DMXL1: variants seen among roughly 807,000 people sequenced by gnomAD.
DMXL1 encodes the protein Dmx like 1.
Under a neutral mutation model 319.2 loss-of-function variants are expected in DMXL1, and 99 were observed. That is an observed-to-expected ratio of 0.31 (90% CI 0.26 to 0.37). DMXL1 has a LOEUF of 0.37. Among genes scored for constraint, DMXL1 ranks in the 10% least tolerant of loss-of-function variants. DMXL1 has a pLI of 1.00. For missense variants in DMXL1, 3,745 were observed against 3,595.6 expected (o/e 1.04, Z -1.06); for synonymous variants, 1,385 against 1,235.2 (o/e 1.12, Z -2.54).
In DMXL1 at chr5:119,113,225, G is replaced by A. The variant is rs550783558; in HGVS notation, c.498-1250G>A. Among the ~76,000 whole-genome samples the A allele has an allele frequency of 7.9e-5, 12 of 152,256 alleles. No homozygotes were observed. In the South Asian group the frequency reaches 2.5e-3, roughly 32 times the overall value. Reference sequence around the variant, plus strand: ...CACATCTTTTGCATCTATATGCAAAGATGTTCATGACATATTTTTGTTGTT... The same window carrying A: ...CACATCTTTTGCATCTATATGCAAAAATGTTCATGACATATTTTTGTTGTT... On this transcript the variant is annotated intron_variant, in intron 5 of 43. Transcript: ENST00000539542.
In DMXL1 at chr5:119,170,137, A is replaced by G. The variant is rs574254650; in HGVS notation, c.5399-53A>G. On this transcript the variant is annotated intron_variant, in intron 23 of 43. Coordinates refer to ENST00000539542, the MANE Select transcript of DMXL1 (RefSeq NM_001290321.3). Reference sequence around the variant, plus strand: ...GTAGATAGAGAAAAGACACTACAATAGAAACACACAGTTCATAACTTTTCT... The same window carrying G: ...GTAGATAGAGAAAAGACACTACAATGGAAACACACAGTTCATAACTTTTCT... 1.7e-5 allele frequency: 26 copies of G among 1,514,558 alleles called. No individual in the cohort carries two copies. The South Asian group carries it at 2.3e-4, about 14-fold the overall frequency. 93.8% of individuals were successfully genotyped at this position (1,514,558 alleles called of 1,614,324 possible). A position where few individuals can be genotyped will look rare whatever the true frequency, so the allele number is the denominator to read the frequency against.
At chr5:119,241,654 T>G (rs1384737933) in intron 42 of DMXL1, among the ~76,000 whole-genome samples, 2 of 152,228 alleles carry the variant, frequency 1.3e-5, no homozygotes. Context: ...TGTCTTGACT[T>G]TGGTCTGCTT....
intron 3 of DMXL1, 119 bp downstream of exon 3, chr5:119,102,125 A>G: frequency 1.9e-6 from 1 of 522,628 alleles, no homozygotes; most frequent in South Asian, 3.6e-5. Context: ...TTGAACCTAC[A>G]TGTTAAATTC....
At position 119,189,756 on chromosome 5, in the gene DMXL1, C is replaced by T. The variant is rs1211505718; in HGVS notation, c.7184C>T (p.Pro2395Leu). 20 of 1,613,920 alleles carry T rather than the reference C, an allele frequency of 1.2e-5. No homozygotes were observed. The highest frequency in any genetic ancestry group is 2.7e-5 in the African/African-American group (2 of 74,900). ...GAAAAACAGAACAAACGTTTTAGGCCGTCAAAAATGTCTTGCAGAGAATCT... is the reference window on the plus strand; with the variant it reads ...GAAAAACAGAACAAACGTTTTAGGCTGTCAAAAATGTCTTGCAGAGAATCT... ...EGEKQNKRFRPSKMSCRESAP... is the reference protein window; with the variant it reads ...EGEKQNKRFRLSKMSCRESAP... Residue 2395 changes from proline to leucine, a missense_variant, in exon 29 of 44, where the codon CCG becomes CTG. Pro to Leu is a moderately conservative substitution (Grantham distance 98). This residue lies in a region of DMXL1 where 1,382 missense variants were observed against 1,269.5 expected (regional missense o/e 1.09). Transcript: ENST00000539542.
chr5:119,219,572 T>A (rs11739084), intron 35 of DMXL1, among the ~76,000 whole-genome samples: 19,810 of 149,512 alleles, frequency 0.13, 1,481 homozygotes, highest in Admixed American at 0.21. Context: ...TTAATTAATT[T>A]ATTTATTTAT....
chr5:119,099,076 A>G lies in DMXL1; in HGVS notation c.213+972A>G, dbSNP rs558195158. On this transcript the variant is annotated intron_variant, in intron 2 of 43. Transcript: ENST00000539542. The stretch of plus-strand genomic sequence containing the variant: ...TGTTACATGGTATTCCTTCCCTTTA[A>G]TATAGTTACAGGTGTCCTCTATCTT... 3.9e-5 allele frequency among the ~76,000 whole-genome samples: 6 copies of G among 152,018 alleles called. No individual in the cohort carries two copies. In the South Asian group the frequency reaches 1.2e-3, roughly 32 times the overall value.
intron 3 of DMXL1, among the ~76,000 whole-genome samples, chr5:119,103,820 G>A (rs1218565353): frequency 6.6e-6 from 1 of 152,062 alleles, no homozygotes; most frequent in East Asian, 1.9e-4. Context: ...AAATCAGTAT[G>A]TTATGTTAAA....
At chr5:119,211,877 C>T (rs1015030809) in intron 34 of DMXL1, among the ~76,000 whole-genome samples, 10 of 152,156 alleles carry the variant, frequency 6.6e-5, no homozygotes, top group African/African-American at 1.9e-4. Context: ...CATTTACTGA[C>T]ATGTAAAATT....
Position 119,171,086 on chromosome 5 carries a change from G to C in DMXL1, c.6295G>C (p.Asp2099His), listed in dbSNP as rs755099226. ...TGAAGATGAATTTGGATTAAATGAG[G>C]ATGCTGAAGATTTGCCTCACCAAAC... is the stretch of plus-strand genomic sequence containing the variant. Reference protein sequence around the residue: ...RNEDEFGLNEDAEDLPHQTKV... With the variant: ...RNEDEFGLNEHAEDLPHQTKV... The change falls in exon 24 of 44, where the codon GAT (aspartate) becomes CAT (histidine). Residue 2099 changes from aspartate (D) to histidine (H), a missense_variant. Asp to His is a moderately conservative substitution (Grantham distance 81, BLOSUM62 -1). Around this residue, in one of 4 missense-constraint regions of DMXL1, gnomAD observed 1,382 missense variants for 1,269.5 expected, o/e 1.09. Coordinates refer to ENST00000539542, the MANE Select transcript of DMXL1 (RefSeq NM_001290321.3). 1.2e-6 allele frequency: 2 copies of C among 1,613,808 alleles called. No homozygotes were observed. Among genetic ancestry groups the C allele is most frequent in the South Asian group, 2.2e-5 (2 of 91,048 alleles).
intron 19 of DMXL1, among the ~76,000 whole-genome samples, chr5:119,163,169 C>T (rs997363324): frequency 1.3e-5 from 2 of 151,964 alleles, no homozygotes; most frequent in African/African-American, 4.8e-5. Context: ...AGATTCTATT[C>T]TAAATTTTAT....
At position 119,224,752 on chromosome 5, in the gene DMXL1, A is replaced by T. The variant is rs1785230871; in HGVS notation, c.8321A>T (p.His2774Leu). ...AINNVRRMTSHPTLPYYLTGA... is the reference protein window; with the variant it reads ...AINNVRRMTSLPTLPYYLTGA... ...AATAATGTTAGAAGAATGACTTCTC[A>T]TCCAACTCTTCCTTACTGTAAGTTG... The change falls in exon 38 of 44, where the codon CAT (histidine) becomes CTT (leucine). Residue 2774 changes from histidine (H) to leucine (L), a missense_variant. Transcript: ENST00000539542. 1 of 1,313,210 alleles carries T rather than the reference A, an allele frequency of 7.6e-7. No homozygotes were observed. Among genetic ancestry groups the T allele is most frequent in the African/African-American group, 1.5e-5 (1 of 65,004 alleles). 81.3% of individuals were successfully genotyped at this position (1,313,210 alleles called of 1,614,324 possible).
chr5:119,130,933 A>G (rs532826605), intron 10 of DMXL1, among the ~76,000 whole-genome samples: 5 of 152,016 alleles, frequency 3.3e-5, no homozygotes, highest in African/African-American at 1.2e-4. Context: ...TTACCAGTTT[A>G]TACTTCCTCT....
chr5:119,165,183 G>C lies in DMXL1; in HGVS notation c.4873G>C (p.Val1625Leu). ...TTTGATCAATATTTTTTGATTATAGGTAGCTAAAGCAGCCTTTTATAGAAA... is the reference window on the plus strand; with the variant it reads ...TTTGATCAATATTTTTTGATTATAGCTAGCTAAAGCAGCCTTTTATAGAAA... ...TRILRKCIEKVAKAAFYRKND... is the reference protein window; with the variant it reads ...TRILRKCIEKLAKAAFYRKND... Residue 1625 changes from valine to leucine, a missense_variant and splice_region_variant, in exon 21 of 44, where the codon GTA becomes CTA. By Grantham distance (32) the Val-to-Leu change is conservative (BLOSUM62 1). Coordinates refer to ENST00000539542, the MANE Select transcript of DMXL1 (RefSeq NM_001290321.3). The C allele has an allele frequency of 6.4e-7, 1 of 1,563,532 alleles. No individual in the cohort carries two copies. Among genetic ancestry groups the C allele is most frequent in the Non-Finnish European group, 8.7e-7 (1 of 1,151,468 alleles).
chr5:119,197,615 C>A, intron 31 of DMXL1, 140 bp from the exon 32 acceptor site: 1 of 772,740 alleles, frequency 1.3e-6, no homozygotes, highest in Middle Eastern at 3.6e-4. Context: ...ATCTTCCCTG[C>A]CAAAGTGTAT....
Position 119,129,196 on chromosome 5 carries a change from T to C in DMXL1, c.1103-15T>C, listed in dbSNP as rs531348816. ...AAGGTAAAAATTTTAATTTTATCTT[T>C]TTTTTCTCTTATAGACATTCCACTT... On this transcript the variant is annotated splice_polypyrimidine_tract_variant and intron_variant, in intron 9 of 43. Transcript: ENST00000539542. The C allele has an allele frequency of 1.6e-4, 246 of 1,516,218 alleles. No individual in the cohort carries two copies. In the Middle Eastern group the frequency reaches 2.1e-3, roughly 13 times the overall value. 93.9% of individuals were successfully genotyped at this position (1,516,218 alleles called of 1,614,324 possible).
In DMXL1 at chr5:119,150,065, C is replaced by G. The variant is rs1478774731; in HGVS notation, c.4238C>G (p.Ala1413Gly). 1 of 1,613,852 alleles carries G rather than the reference C, an allele frequency of 6.2e-7. No individual in the cohort carries two copies. Among genetic ancestry groups the G allele is most frequent in the South Asian group, 1.1e-5 (1 of 91,074 alleles). Residue 1413 changes from alanine (A) to glycine (G), a missense_variant, in exon 18 of 44, where the codon GCA becomes GGA. Coordinates refer to ENST00000539542, the MANE Select transcript of DMXL1 (RefSeq NM_001290321.3). ...CCACTTCCTTTATATGCCTTACTTG[C>G]AGCAGATGATGATAGCTGTTACTCA... is the stretch of plus-strand genomic sequence containing the variant. ...VPPLPLYALL[A>G]ADDDSCYSSL...
chr5:119,100,032 G>C (rs185794429), intron 2 of DMXL1, among the ~76,000 whole-genome samples: 8 of 152,068 alleles, frequency 5.3e-5, no homozygotes, highest in Admixed American at 5.2e-4. Flanking sequence ...GAATTAAGAA[G>C]TCATTTGGTT....
chr5:119,091,201 G>A (rs1185034515), intron 1 of DMXL1, among the ~76,000 whole-genome samples: 1 of 151,136 alleles, frequency 6.6e-6, no homozygotes, highest in Non-Finnish European at 1.5e-5. Context: ...CCTGTTTGCT[G>A]CATTTATTTA....
intron 34 of DMXL1, 78 bp downstream of exon 34, chr5:119,206,974 A>G: frequency 2.3e-6 from 2 of 858,758 alleles, no homozygotes; most frequent in South Asian, 3.2e-5. Flanking sequence ...TTACTTTTAA[A>G]CTGGTCTTTG....
Sources: allele counts gnomAD v4.1 joint callset (sites outside exome capture counted in the v4.1 genomes callset), GRCh38; gene constraint gnomAD v4.1.1; regional missense constraint gnomAD v4.1.1; transcripts MANE v1.5; gene names NCBI Gene and HGNC (gene_info 2026-07-23, HGNC 2026-07-21).